TRHDE: variants seen among roughly 807,000 people sequenced by gnomAD.
TRHDE encodes the protein thyrotropin-releasing hormone-degrading ectoenzyme.
In TRHDE, 72 loss-of-function variants were observed where a neutral mutation model predicts 125.7. That is an observed-to-expected ratio of 0.57 (90% CI 0.47 to 0.70). The LOEUF (loss-of-function observed/expected upper bound fraction) is 0.70. Among genes scored for constraint, TRHDE ranks in the 30% least tolerant of loss-of-function variants. The probability of loss-of-function intolerance (pLI) is 0.00; values close to 1 mark genes in which losing one functional copy is unlikely to be tolerated. For missense variants in TRHDE, 1,110 were observed against 1,327.1 expected, an observed-to-expected ratio of 0.84 and a Z score of 2.54; for synonymous variants, 509 against 509.1, an observed-to-expected ratio of 1.00 and a Z score of 0.00.
intron 10 of TRHDE, among the ~76,000 whole-genome samples, chr12:72,570,356 G>A (rs1166112021): frequency 6.6e-6 from 1 of 152,012 alleles, no homozygotes; most frequent in Admixed American, 6.6e-5. Context: ...TGAGGCAGGT[G>A]GATCACTTGA....
intron 12 of TRHDE, among the ~76,000 whole-genome samples, chr12:72,585,530 G>A (rs999564472): frequency 1.3e-5 from 2 of 152,176 alleles, no homozygotes; most frequent in Non-Finnish European, 2.9e-5. Flanking sequence ...TTCCTAGGCT[G>A]CGCCAAACCA....
intron 2 of TRHDE, among the ~76,000 whole-genome samples, chr12:72,136,847 G>A (rs1025394823): frequency 2.6e-5 from 4 of 152,100 alleles, no homozygotes; most frequent in Admixed American, 6.5e-5. Flanking sequence ...CTACTGCAGC[G>A]TGTTCTCAGG....
chr12:72,631,478 T>C (rs1873493060), intron 15 of TRHDE, among the ~76,000 whole-genome samples: 1 of 151,942 alleles, frequency 6.6e-6, no homozygotes, highest in African/African-American at 2.4e-5. Flanking sequence ...TATATCAGTA[T>C]TCCTTAAAAT....
At chr12:72,211,000 G>A (rs1377519602) in intron 2 of TRHDE, among the ~76,000 whole-genome samples, 1 of 152,194 alleles carries the variant, frequency 6.6e-6, no homozygotes. Flanking sequence ...GGCTGGCCAT[G>A]TAATTGATGC....
chr12:72,592,555 A>ATT (rs960543914), intron 12 of TRHDE, among the ~76,000 whole-genome samples: 18 of 146,396 alleles, frequency 1.2e-4, no homozygotes, highest in Non-Finnish European at 3.0e-5. Flanking sequence ...AGTTGTGGTG[A>ATT]TTTTTTTTTT....
intron 3 of TRHDE, among the ~76,000 whole-genome samples, chr12:72,461,529 A>T (rs770026928): frequency 5.3e-5 from 8 of 152,276 alleles, no homozygotes; most frequent in Middle Eastern, 6.8e-3. Context: ...TAATCTTCAG[A>T]GCAAGATGTT....
chr12:72,529,876 G>A (rs930048942), intron 6 of TRHDE, among the ~76,000 whole-genome samples: 1 of 152,044 alleles, frequency 6.6e-6, no homozygotes, highest in Non-Finnish European at 1.5e-5. Context: ...AATATTAGAA[G>A]CAATAAACAA....
intron 5 of TRHDE, among the ~76,000 whole-genome samples, chr12:72,482,345 A>G (rs950041114): frequency 1.3e-5 from 2 of 151,940 alleles, no homozygotes; most frequent in Non-Finnish European, 2.9e-5. Flanking sequence ...CATCACCTCA[A>G]TCAGGTTGTT....
chr12:72,569,116 G>A (rs1870599296), intron 10 of TRHDE, among the ~76,000 whole-genome samples: 4 of 152,100 alleles, frequency 2.6e-5, no homozygotes, highest in Admixed American at 2.0e-4. Context: ...AAGGTGGGGG[G>A]CTTGGACAGG....
chr12:72,298,693 G>A, intron 2 of TRHDE, among the ~76,000 whole-genome samples: 1 of 152,188 alleles, frequency 6.6e-6, no homozygotes, highest in East Asian at 1.9e-4. Flanking sequence ...TTTAGGCAGA[G>A]GGGAACCATT....
In TRHDE at chr12:72,160,811, G is replaced by A. The variant is rs141898799; in HGVS notation, n.279+55059G>A. 6.5e-4 allele frequency among the ~76,000 whole-genome samples: 99 copies of A among 152,260 alleles called. 1 individual carries two copies. In the East Asian group the frequency reaches 0.017, roughly 26 times the overall value. On this transcript the variant is annotated intron_variant and non_coding_transcript_variant, in intron 2 of 4. Coordinates refer to the TRHDE transcript ENST00000548156. ...TGTTTCCCTGCTCCCTCTACCCCAC[G>A]TAGTTCCCATTTTATTTATGTTCAT...
intron 3 of TRHDE, among the ~76,000 whole-genome samples, chr12:72,445,053 T>G (rs1831283971): frequency 6.6e-6 from 1 of 151,882 alleles, no homozygotes; most frequent in Non-Finnish European, 1.5e-5. Flanking sequence ...CTTCTCCAGA[T>G]AGCTTCTAAG....
chr12:72,131,293 C>T (rs1373507139), intron 2 of TRHDE, among the ~76,000 whole-genome samples: 1 of 151,706 alleles, frequency 6.6e-6, no homozygotes, highest in Non-Finnish European at 1.5e-5. Context: ...AGGATGGTCT[C>T]CATCTCCTGA....
At chr12:72,662,675 C>T (rs987443797) in intron 18 of TRHDE, among the ~76,000 whole-genome samples, 1 of 152,120 alleles carries the variant, frequency 6.6e-6, no homozygotes, top group Non-Finnish European at 1.5e-5. Context: ...CTACTTGGTG[C>T]ATTGTATACA....
intron 2 of TRHDE, among the ~76,000 whole-genome samples, chr12:72,162,630 AACTCTTTCTGC>A (rs1415440368): frequency 6.6e-6 from 1 of 152,186 alleles, no homozygotes. Flanking sequence ...CCCTACATAA[AACTCTTTCTGC>A]TTAAACTAGT....
chr12:72,361,412 G>A (rs1021714840), intron 2 of TRHDE, among the ~76,000 whole-genome samples: 2 of 151,610 alleles, frequency 1.3e-5, no homozygotes, highest in South Asian at 2.1e-4. Flanking sequence ...TACATTTGTT[G>A]GAAAGATGCA....
chr12:72,334,307 A>G (rs4261328), intron 2 of TRHDE, among the ~76,000 whole-genome samples: 52,581 of 151,900 alleles, frequency 0.35, 9,784 homozygotes, highest in Non-Finnish European at 0.43. Context: ...GTTCAATCCG[A>G]TTCTTCATGA....
intron 3 of TRHDE, among the ~76,000 whole-genome samples, chr12:72,390,654 G>C (rs1300736723): frequency 1.3e-5 from 2 of 152,120 alleles, no homozygotes; most frequent in African/African-American, 2.4e-5. Context: ...TATTGTAACA[G>C]TGTTCTTTAT....
chr12:72,219,150 A>G (rs1790393356), intron 2 of TRHDE, among the ~76,000 whole-genome samples: 1 of 150,188 alleles, frequency 6.7e-6, no homozygotes, highest in South Asian at 2.1e-4. Flanking sequence ...TTATTTTAAA[A>G]TGTTTTGTGT....
Sources: allele counts gnomAD v4.1 joint callset (sites outside exome capture counted in the v4.1 genomes callset), GRCh38; gene constraint gnomAD v4.1.1; transcripts MANE v1.5; gene names NCBI Gene and HGNC (gene_info 2026-07-23, HGNC 2026-07-21).